SGO2: variants seen among roughly 807,000 people sequenced by gnomAD.
SGO2 encodes the protein shugoshin-like 2.
SGO2 carries 68 observed loss-of-function variants against 99.5 expected under a neutral mutation model. The observed-to-expected ratio is 0.68, with a 90% CI of 0.56 to 0.84. The LOEUF (loss-of-function observed/expected upper bound fraction) is 0.84. Among genes scored for constraint, SGO2 ranks in the 40% least tolerant of loss-of-function variants. The probability of loss-of-function intolerance (pLI) is 0.00; values close to 1 mark genes in which losing one functional copy is unlikely to be tolerated. For missense variants in SGO2, 1,350 were observed against 1,436.7 expected (o/e 0.94, Z 0.97); for synonymous variants, 457 against 487.1 (o/e 0.94, Z 0.81).
In SGO2 at chr2:200,582,821, G is replaced by A. The variant is rs542156420; in HGVS notation, c.3783-628G>A. ...AGACACAGAATATAAAATGTTTAATGTTTCAATAAAGGAGAGGCTTGAAAA... is the reference window on the plus strand; with the variant it reads ...AGACACAGAATATAAAATGTTTAATATTTCAATAAAGGAGAGGCTTGAAAA... On this transcript the variant is annotated intron_variant, in intron 8 of 8. Transcript: ENST00000357799. Among the ~76,000 whole-genome samples, 110 of 152,222 alleles carry A rather than the reference G, an allele frequency of 7.2e-4. 1 individual carries two copies. Among genetic ancestry groups the A allele is most frequent in the African/African-American group, 2.3e-3 (97 of 41,558 alleles).
At chr2:200,535,296 C>T in intron 3 of SGO2, 125 bp downstream of exon 3, 3 of 806,248 alleles carry the variant, frequency 3.7e-6, no homozygotes, top group Non-Finnish European at 5.5e-6. Context: ...GTCAGTATAC[C>T]ATGTAAGTCT....
At chr2:200,580,088 T>G (rs2033790550) in intron 8 of SGO2, among the ~76,000 whole-genome samples, 1 of 152,154 alleles carries the variant, frequency 6.6e-6, no homozygotes, top group Admixed American at 6.5e-5. Flanking sequence ...TAACGTTGAC[T>G]GTTTTTTGTG....
chr2:200,573,801 T>C lies in SGO2; in HGVS notation c.3455T>C (p.Phe1152Ser). 1 of 1,612,734 alleles carries C rather than the reference T, an allele frequency of 6.2e-7. No homozygotes were observed. The highest frequency in any genetic ancestry group is 1.1e-5 in the South Asian group (1 of 90,848). Reference protein sequence around the residue: ...IHSPNIQDSSFDSVREGLVPL... With the variant: ...IHSPNIQDSSSDSVREGLVPL... The stretch of plus-strand genomic sequence containing the variant: ...TCACCTAACATACAAGATTCTTCCT[T>C]TGACAGTGTTCGTGAAGGTTTAGTA... Residue 1152 changes from phenylalanine to serine, a missense_variant, in exon 7 of 9, where the codon TTT becomes TCT. Transcript: ENST00000357799.
Position 200,572,379 on chromosome 2 carries a change from A to T in SGO2, c.2033A>T (p.Glu678Val). The T allele has an allele frequency of 6.2e-7, 1 of 1,613,478 alleles. No homozygotes were observed. Among genetic ancestry groups the T allele is most frequent in the Non-Finnish European group, 8.5e-7 (1 of 1,179,602 alleles). The change falls in exon 7 of 9, where the codon GAA (glutamate) becomes GTA (valine). Residue 678 changes from glutamate to valine, a missense_variant. Coordinates refer to ENST00000357799, the MANE Select transcript of SGO2 (RefSeq NM_152524.6). ...QIPALSTRDN[E>V]NQCDYRTQNV... ...CCAGCTCTTTCTACTAGAGATAATG[A>T]AAATCAATGTGACTATAGGACCCAG...
rs1376375505 is a variant in SGO2 at position 200,573,531 on chromosome 2, TAAAAG to T, written c.3188_3192del (p.Lys1063ArgfsTer6). 20 of 1,611,406 alleles carry T rather than the reference TAAAAG, an allele frequency of 1.2e-5. No individual in the cohort carries two copies. Among genetic ancestry groups the T allele is most frequent in the Non-Finnish European group, 1.5e-5 (18 of 1,179,020 alleles). ...AAAGATCTCCCTTTTGTGGAAGAAA[TAAAAG>T]AAGGAGAGTGTCAGGTTAAAAAGGT... is the stretch of plus-strand genomic sequence containing the variant. On this transcript the variant is annotated frameshift_variant, in exon 7 of 9. Transcript: ENST00000357799. LOFTEE classifies it high-confidence loss of function.
At position 200,573,037 on chromosome 2, in the gene SGO2, G is replaced by A. The variant is rs758989947; in HGVS notation, c.2691G>A (p.Glu897=). 5.7e-6 allele frequency: 9 copies of A among 1,566,216 alleles called. No homozygotes were observed. Among genetic ancestry groups the A allele is most frequent in the South Asian group, 1.2e-5 (1 of 81,358 alleles). The part of the protein sequence containing the change: ...KKYVTDRKSA[E]QNESKINKLR... The stretch of plus-strand genomic sequence containing the variant: ...ATGTTACTGATAGGAAATCTGCTGA[G>A]CAAAATGAATCAAAAATAAATAAGC... The change falls in exon 7 of 9, where the codon GAG becomes GAA. Residue 897 remains glutamate, a synonymous_variant. Transcript: ENST00000357799.
chr2:200,557,989 G>A lies in SGO2; in HGVS notation c.474-11674G>A, dbSNP rs547041560. On this transcript the variant is annotated intron_variant, in intron 5 of 8. Transcript: ENST00000357799. Reference sequence around the variant, plus strand: ...AGCGATTCTCCTGCCTCAGCCTCCTGAGTAGCTGGGACTACAGGCATGCAC... The same window carrying A: ...AGCGATTCTCCTGCCTCAGCCTCCTAAGTAGCTGGGACTACAGGCATGCAC... Among the ~76,000 whole-genome samples the A allele has an allele frequency of 1.5e-3, 230 of 151,304 alleles. 1 individual carries two copies. Among genetic ancestry groups the A allele is most frequent in the African/African-American group, 5.3e-3 (217 of 41,216 alleles).
intron 7 of SGO2, among the ~76,000 whole-genome samples, chr2:200,574,338 AGTTGCAT>A (rs951938038): frequency 1.3e-5 from 2 of 152,028 alleles, no homozygotes; most frequent in Non-Finnish European, 2.9e-5. Flanking sequence ...TACTGAAGAC[AGTTGCAT>A]GTTTCTTGAG....
intron 5 of SGO2, among the ~76,000 whole-genome samples, chr2:200,563,095 T>C (rs1346787443): frequency 1.3e-5 from 2 of 152,174 alleles, no homozygotes; most frequent in Non-Finnish European, 1.5e-5. Flanking sequence ...TCCAACACTA[T>C]GTTGAATAGG....
chr2:200,576,321 A>G lies in SGO2; in HGVS notation c.3782+860A>G, dbSNP rs911229157. 2.6e-5 allele frequency among the ~76,000 whole-genome samples: 4 copies of G among 151,982 alleles called. No homozygotes were observed. In the South Asian group the frequency reaches 6.2e-4, roughly 24 times the overall value. ...CCAGATGTGGTGGCTCACACCTGTA[A>G]TCCCAGCACTGTGGGAGGCTGAGGC... is the stretch of plus-strand genomic sequence containing the variant. On this transcript the variant is annotated intron_variant, in intron 8 of 8. Transcript: ENST00000357799.
intron 5 of SGO2, among the ~76,000 whole-genome samples, chr2:200,544,195 G>C (rs1029721306): frequency 8.5e-5 from 13 of 152,162 alleles, no homozygotes; most frequent in African/African-American, 3.1e-4. Context: ...TAAATTATTT[G>C]TTCTCATTGC....
intron 5 of SGO2, among the ~76,000 whole-genome samples, chr2:200,543,809 G>A (rs1351492396): frequency 6.6e-6 from 1 of 152,152 alleles, no homozygotes; most frequent in Non-Finnish European, 1.5e-5. Flanking sequence ...ATATAGATAT[G>A]CAAATTAAGT....
At position 200,571,269 on chromosome 2, in the gene SGO2, A is replaced by G. The variant is rs1300406624; in HGVS notation, c.923A>G (p.Asn308Ser). Residue 308 changes from asparagine (N) to serine (S), a missense_variant, in exon 7 of 9, where the codon AAT (asparagine) becomes AGT (serine). By Grantham distance (46) the Asn-to-Ser change is conservative. Coordinates refer to ENST00000357799, the MANE Select transcript of SGO2 (RefSeq NM_152524.6). ...ATTTCAAGTCCAGAATTAAATTGCAATAATGAGATAAATGGTCATACTAAT... is the reference window on the plus strand; with the variant it reads ...ATTTCAAGTCCAGAATTAAATTGCAGTAATGAGATAAATGGTCATACTAAT... The part of the protein sequence containing the change: ...QHISSPELNC[N>S]NEINGHTNET... 8.1e-6 allele frequency: 13 copies of G among 1,613,334 alleles called. No individual in the cohort carries two copies. Among genetic ancestry groups the G allele is most frequent in the Non-Finnish European group, 1.0e-5 (12 of 1,179,582 alleles).
At chr2:200,559,634 C>CA (rs1401114544) in intron 5 of SGO2, among the ~76,000 whole-genome samples, 1 of 152,084 alleles carries the variant, frequency 6.6e-6, no homozygotes, top group African/African-American at 2.4e-5. Context: ...TCTCGTTGCC[C>CA]AAGCTGGACT....
chr2:200,536,134 C>G lies in SGO2; in HGVS notation c.379C>G (p.Leu127Val), dbSNP rs1352883150. ...NLITAIEMSS[L>V]SEFHQSSFLL... ...GATAACTGCAATTGAAATGAGCAGT[C>G]TTTCTGAGGTAAGTAGAATTTATAT... Residue 127 changes from leucine to valine, a missense_variant, in exon 4 of 9, where the codon CTT becomes GTT. Physicochemically the swap from Leu to Val is conservative, Grantham distance 32 (BLOSUM62 1). Transcript: ENST00000357799. The G allele has an allele frequency of 1.9e-6, 3 of 1,586,990 alleles. No homozygotes were observed. In the African/African-American group the frequency reaches 4.0e-5, roughly 21 times the overall value.
Position 200,571,555 on chromosome 2 carries a change from T to C in SGO2, c.1209T>C (p.Asp403=). Residue 403 remains aspartate, a synonymous_variant, in exon 7 of 9, where the codon GAT becomes GAC. Transcript: ENST00000357799. ...HGMKTFRKVK[D]SSSEKKRERS... ...TGAAAACTTTCAGAAAAGTGAAAGATTCCAGCTCTGAAAAAAAGAGAGAAA... is the reference window on the plus strand; with the variant it reads ...TGAAAACTTTCAGAAAAGTGAAAGACTCCAGCTCTGAAAAAAAGAGAGAAA... 6.2e-7 allele frequency: 1 copy of C among 1,612,254 alleles called. No homozygotes were observed. Among genetic ancestry groups the C allele is most frequent in the Non-Finnish European group, 8.5e-7 (1 of 1,179,484 alleles).
chr2:200,551,226 A>G (rs1402731472), intron 5 of SGO2, among the ~76,000 whole-genome samples: 1 of 152,176 alleles, frequency 6.6e-6, no homozygotes, highest in Non-Finnish European at 1.5e-5. Context: ...TGTGGAATCA[A>G]CCTAAGCACC....
Position 200,572,298 on chromosome 2 carries a change from A to G in SGO2, c.1952A>G (p.Gln651Arg), listed in dbSNP as rs781510633. The change falls in exon 7 of 9, where the codon CAA becomes CGA. Residue 651 changes from glutamine to arginine, a missense_variant. Gln to Arg is a conservative substitution (Grantham distance 43, BLOSUM62 1). Transcript: ENST00000357799. ...LKKGNFFFKT[Q>R]EDKEPISENI... is the part of the protein sequence containing the mutation. ...AAAGGTAATTTTTTTTTCAAAACCC[A>G]AGAGGATAAAGAACCTATCTCTGAA... is the stretch of plus-strand genomic sequence containing the variant. 6.2e-7 allele frequency: 1 copy of G among 1,609,616 alleles called. No homozygotes were observed. The highest frequency in any genetic ancestry group is 8.5e-7 in the Non-Finnish European group (1 of 1,178,724).
intron 2 of SGO2, among the ~76,000 whole-genome samples, chr2:200,534,296 A>G (rs547744705): frequency 6.6e-6 from 1 of 152,312 alleles, no homozygotes; most frequent in African/African-American, 2.4e-5. Context: ...GGAATTCACA[A>G]TGAAATTTCT....
Sources: allele counts gnomAD v4.1 joint callset (sites outside exome capture counted in the v4.1 genomes callset), GRCh38; gene constraint gnomAD v4.1.1; transcripts MANE v1.5; gene names NCBI Gene and HGNC (gene_info 2026-07-23, HGNC 2026-07-21).